PDGFRB: variants seen among roughly 807,000 people sequenced by gnomAD.
The protein encoded by PDGFRB is platelet derived growth factor receptor beta.
PDGFRB carries 42 observed loss-of-function variants against 120.2 expected under a neutral mutation model. The ratio of observed to expected loss-of-function variants is 0.35; its 90% CI spans 0.27 to 0.45. The LOEUF (loss-of-function observed/expected upper bound fraction) is 0.45. Ranked by LOEUF, PDGFRB falls within the 20% of genes least tolerant of loss-of-function variation. PDGFRB has a pLI of 1.00. For missense variants in PDGFRB, 1,149 were observed against 1,476.3 expected (o/e 0.78, Z 3.63); for synonymous variants, 586 against 606.8 (o/e 0.97, Z 0.50).
chr5:150,130,771 T>G, intron 8 of PDGFRB, 109 bp from the exon 9 acceptor site: 1 of 890,808 alleles, frequency 1.1e-6, no homozygotes, highest in Non-Finnish European at 1.8e-6. Context: ...AGGAGGGCTG[T>G]AGACTGCAGG....
At chr5:150,135,407 C>A in intron 3 of PDGFRB, 148 bp downstream of exon 3, 1 of 670,716 alleles carries the variant, frequency 1.5e-6, no homozygotes, top group Non-Finnish European at 2.6e-6. Context: ...CGAACACACT[C>A]CCCGACTGAG....
At chr5:150,127,050 T>C (rs923326681) in intron 10 of PDGFRB, among the ~76,000 whole-genome samples, 2 of 152,226 alleles carry the variant, frequency 1.3e-5, no homozygotes, top group Non-Finnish European at 2.9e-5. Flanking sequence ...CCAAGCTCCA[T>C]GCCTGACCGA....
intron 5 of PDGFRB, 25 bp from the exon 6 acceptor site, chr5:150,133,785 C>T: frequency 6.2e-7 from 1 of 1,612,850 alleles, no homozygotes; most frequent in Non-Finnish European, 8.5e-7. Flanking sequence ...TGGGCAGGCC[C>T]CCCAAATCAG....
intron 1 of PDGFRB, among the ~76,000 whole-genome samples, chr5:150,148,892 G>T (rs1760998206): frequency 1.3e-5 from 2 of 152,154 alleles, no homozygotes; most frequent in Admixed American, 6.5e-5. Flanking sequence ...CCAGGGCTCT[G>T]TGAGAGATGA....
Position 150,120,785 on chromosome 5 carries a change from AC to A in PDGFRB, c.2586+102del. ...GTCAGGGCAGGCCACAAGGAGCCCC[AC>A]ACAGATTTCCTATGAGCTGCAGCCA... On this transcript the variant is annotated intron_variant, in intron 18 of 22. Transcript: ENST00000261799. The surrounding 1 kb of genome is among the most constrained non-coding windows in gnomAD (Gnocchi z 4.3). The A allele has an allele frequency of 9.0e-7, 1 of 1,107,080 alleles. No homozygotes were observed. Among genetic ancestry groups the A allele is most frequent in the Non-Finnish European group, 1.3e-6 (1 of 752,902 alleles). 68.6% of individuals were successfully genotyped at this position (1,107,080 alleles called of 1,614,324 possible). A position where few individuals can be genotyped will look rare whatever the true frequency, so the allele number is the denominator to read the frequency against.
Position 150,133,913 on chromosome 5 carries a change from C to T in PDGFRB, c.727G>A (p.Val243Ile), listed in dbSNP as rs1760550997. The part of the protein sequence containing the change: ...LMCIVIGNEV[V>I]NFEWTYPRKE... ...CGGGGGTATGTCCACTCGAAGTTGA[C>T]CACCTCATTCCCGATCACAATGCAC... The change falls in exon 5 of 23, where the codon GTC becomes ATC. Residue 243 changes from valine to isoleucine, a missense_variant. By Grantham distance (29) the Val-to-Ile change is conservative. Coordinates refer to ENST00000261799, the MANE Select transcript of PDGFRB (RefSeq NM_002609.4). 1.2e-6 allele frequency: 2 copies of T among 1,614,100 alleles called. No individual in the cohort carries two copies. Among genetic ancestry groups the T allele is most frequent in the Non-Finnish European group, 1.7e-6 (2 of 1,179,976 alleles).
intron 1 of PDGFRB, among the ~76,000 whole-genome samples, chr5:150,142,411 G>A (rs1296305695): frequency 1.3e-5 from 2 of 152,238 alleles, no homozygotes; most frequent in Admixed American, 6.5e-5. Context: ...CACGAGCCCA[G>A]CCAGGCAGGG....
intron 14 of PDGFRB, chr5:150,124,045 T>C (rs866850003): frequency 2.5e-6 from 1 of 407,210 alleles, no homozygotes; most frequent in Non-Finnish European, 4.4e-6. Context: ...ACCTGACTAA[T>C]CCTTCAGCCT....
intron 21 of PDGFRB, among the ~76,000 whole-genome samples, chr5:150,118,405 T>C (rs1256655976): frequency 2.0e-5 from 3 of 152,158 alleles, no homozygotes; most frequent in Non-Finnish European, 4.4e-5. Context: ...AGGCGGTTCA[T>C]GGTCATGTAA....
intron 21 of PDGFRB, 132 bp from the exon 22 acceptor site, chr5:150,117,982 C>G (rs1210233372): frequency 3.2e-6 from 2 of 627,988 alleles, no homozygotes; most frequent in Non-Finnish European, 5.7e-6. Context: ...AAGGGATTTG[C>G]CCAAGCCACA....
chr5:150,117,210 C>T (rs1359414403), intron 22 of PDGFRB, among the ~76,000 whole-genome samples: 3 of 152,202 alleles, frequency 2.0e-5, no homozygotes, highest in South Asian at 4.1e-4. Flanking sequence ...GGCCCCAGGG[C>T]GTGGTGCTGA....
At chr5:150,140,606 G>A (rs1245387341) in intron 1 of PDGFRB, among the ~76,000 whole-genome samples, 8 of 151,862 alleles carry the variant, frequency 5.3e-5, no homozygotes, top group Admixed American at 2.6e-4. Flanking sequence ...CCCCAAGTCC[G>A]GGGCACAGAG....
rs756516035 is a variant in PDGFRB, at chr5:150,133,748, C to T, written c.772G>A (p.Val258Met). Residue 258 changes from valine (V) to methionine (M), a missense_variant, in exon 6 of 23, where the codon GTG becomes ATG. Around this residue, in one of 3 missense-constraint regions of PDGFRB, gnomAD observed 879 missense variants for 1,108.6 expected, o/e 0.79. Coordinates refer to ENST00000261799, the MANE Select transcript of PDGFRB (RefSeq NM_002609.4). ...TYPRKESGRLVEPVTDFLLDM... is the reference protein window; with the variant it reads ...TYPRKESGRLMEPVTDFLLDM... The stretch of plus-strand genomic sequence containing the variant: ...AAGAGGAAGTCAGTCACCGGCTCCA[C>T]CAGCCGCCCACTCTGCAGCAACAGG... 3 of 1,614,094 alleles carry T rather than the reference C, an allele frequency of 1.9e-6. No individual in the cohort carries two copies. The highest frequency in any genetic ancestry group is 2.5e-6 in the Non-Finnish European group (3 of 1,179,968).
At position 150,125,569 on chromosome 5, in the gene PDGFRB, A is replaced by G; in HGVS notation, c.1683T>C (p.Arg561=). 1.2e-6 allele frequency: 2 copies of G among 1,613,958 alleles called. No homozygotes were observed. The highest frequency in any genetic ancestry group is 1.7e-6 in the Non-Finnish European group (2 of 1,179,872). ...ILIMLWQKKP[R]YEIRWKVIES... ...CAATCACCTTCCATCGGATCTCGTA[A>G]CGTGGCTTCTGGAGGACCAACCCCA... The change falls in exon 12 of 23, where the codon CGT becomes CGC. Residue 561 remains arginine, a synonymous_variant. Coordinates refer to ENST00000261799, the MANE Select transcript of PDGFRB (RefSeq NM_002609.4).
At chr5:150,150,925 G>A (rs550317017) in intron 1 of PDGFRB, among the ~76,000 whole-genome samples, 2 of 152,186 alleles carry the variant, frequency 1.3e-5, no homozygotes, top group African/African-American at 4.8e-5. Flanking sequence ...CCCCTAGTGG[G>A]CCTTCCTCCC....
Position 150,124,916 on chromosome 5 carries a change from C to T in PDGFRB, c.1808-85G>A, listed in dbSNP as rs1410142616. The T allele has an allele frequency of 3.1e-6, 2 of 638,656 alleles. 1 individual carries two copies. Among genetic ancestry groups the T allele is most frequent in the South Asian group, 3.7e-5 (2 of 54,290 alleles). 39.6% of individuals were successfully genotyped at this position (638,656 alleles called of 1,614,324 possible). A position where few individuals can be genotyped will look rare whatever the true frequency, so the allele number is the denominator to read the frequency against. On this transcript the variant is annotated intron_variant, in intron 12 of 22. Coordinates refer to ENST00000261799, the MANE Select transcript of PDGFRB (RefSeq NM_002609.4). The stretch of plus-strand genomic sequence containing the variant: ...CTGCCCCCCTCCCCCCACTCCCCTA[C>T]CCCCGGCCGCTATCACCCTTCCTGC...
intron 1 of PDGFRB, among the ~76,000 whole-genome samples, chr5:150,152,953 G>A (rs542623983): frequency 1.4e-3 from 209 of 152,338 alleles, no homozygotes; most frequent in Non-Finnish European, 1.0e-3. Context: ...GCAAGGTGCT[G>A]CCCCGGGGTC....
At chr5:150,143,578 T>A (rs1260901919) in intron 1 of PDGFRB, among the ~76,000 whole-genome samples, 1 of 152,034 alleles carries the variant, frequency 6.6e-6, no homozygotes, top group Non-Finnish European at 1.5e-5. Context: ...CGCCAGCAGC[T>A]AAAGAGTAGG....
rs752739088 is a variant in PDGFRB at position 150,117,786 on chromosome 5, G to T, written c.2969C>A (p.Ala990Asp). 1.9e-6 allele frequency: 3 copies of T among 1,613,916 alleles called. No individual in the cohort carries two copies. The highest frequency in any genetic ancestry group is 2.2e-5 in the South Asian group (2 of 91,074). ...SDHPAILRSQARLPGFHGLRS... is the reference protein window; with the variant it reads ...SDHPAILRSQDRLPGFHGLRS... Reference sequence around the variant, plus strand: ...GAGGCCATGGAACCCAGGCAAGCGGGCCTGGGACCGAAGGATGGCTGGGTG... The same window carrying T: ...GAGGCCATGGAACCCAGGCAAGCGGTCCTGGGACCGAAGGATGGCTGGGTG... Residue 990 changes from alanine to aspartate, a missense_variant, in exon 22 of 23, where the codon GCC (alanine) becomes GAC (aspartate). Transcript: ENST00000261799.
Sources: allele counts gnomAD v4.1 joint callset (sites outside exome capture counted in the v4.1 genomes callset), GRCh38; gene constraint gnomAD v4.1.1; regional missense constraint gnomAD v4.1.1; non-coding constraint Gnocchi (gnomAD v3.1); transcripts MANE v1.5; gene names NCBI Gene and HGNC (gene_info 2026-07-23, HGNC 2026-07-21).